Variants in MFF observed in about 807,000 individuals in gnomAD.
MFF encodes chromosome 2 open reading frame 33.
MFF carries 12 observed loss-of-function variants against 36.9 expected under a neutral mutation model. The ratio of observed to expected loss-of-function variants is 0.33; its 90% CI spans 0.21 to 0.53. MFF has a LOEUF of 0.53. MFF is among the 20% of genes least tolerant of loss of function. MFF has a pLI of 0.95. For missense variants in MFF, 348 were observed against 366.6 expected (o/e 0.95, Z 0.42); for synonymous variants, 99 against 126.2 (o/e 0.78, Z 1.44).
chr2:227,325,510 C>A, intron 1 of MFF, 83 bp downstream of exon 1: 1 of 152,082 alleles, frequency 6.6e-6, no homozygotes, highest in East Asian at 1.9e-4. Context: ...ACCCTCCGGC[C>A]AACAGGGACC....
chr2:227,344,994 G>A (rs2075632991), intron 5 of MFF, among the ~76,000 whole-genome samples: 1 of 151,844 alleles, frequency 6.6e-6, no homozygotes, highest in Admixed American at 6.6e-5. Context: ...TTTTCTCATT[G>A]TATTCCAATT....
Position 227,347,254 on chromosome 2 carries a change from G to T in MFF, c.469G>T (p.Val157Phe). 4.3e-6 allele frequency: 7 copies of T among 1,613,698 alleles called. No homozygotes were observed. The highest frequency in any genetic ancestry group is 3.4e-6 in the Non-Finnish European group (4 of 1,179,734). The change falls in exon 6 of 9, where the codon GTC becomes TTC. Residue 157 changes from valine to phenylalanine, a missense_variant. Val to Phe is a conservative substitution (Grantham distance 50). Coordinates refer to ENST00000304593, the MANE Select transcript of MFF (RefSeq NM_001277062.2). Reference protein sequence around the residue: ...LVTPSPQQARVCPPHMLPEDG... With the variant: ...LVTPSPQQARFCPPHMLPEDG... ...GACACCATCGCCACAACAGGCTCGG[G>T]TCTGTCCTCCCCATATGTTACCTGA...
chr2:227,344,745 G>T (rs1168653537), intron 5 of MFF, among the ~76,000 whole-genome samples: 1 of 1,216 alleles, frequency 8.2e-4, no homozygotes, highest in Non-Finnish European at 1.6e-3. Flanking sequence ...AAATACTCCC[G>T]ATTTCGTTTT....
intron 3 of MFF, among the ~76,000 whole-genome samples, chr2:227,332,148 A>AG (rs1553772471): frequency 6.8e-6 from 1 of 147,780 alleles, no homozygotes; most frequent in Admixed American, 6.7e-5. Flanking sequence ...ATTTTTTTGT[A>AG]TTTTTAGTAG....
At chr2:227,355,248 G>A (rs989494539) in intron 7 of MFF, 1 of 152,610 alleles carries the variant, frequency 6.6e-6, no homozygotes, top group African/African-American at 2.4e-5. Context: ...TTTTTTTAGA[G>A]TTAGTCTACT....
Position 227,344,094 on chromosome 2 carries a change from T to G in MFF, c.441-3132T>G, listed in dbSNP as rs538518459. ...TGAGCCACTGTGCCCAGCCCTGGTG[T>G]TGTTTATGTAACTCTTATGTGATAA... On this transcript the variant is annotated intron_variant, in intron 5 of 8. Transcript: ENST00000304593. Among the ~76,000 whole-genome samples the G allele has an allele frequency of 1.1e-4, 17 of 152,320 alleles. No individual in the cohort carries two copies. In the South Asian group the frequency reaches 2.3e-3, roughly 20 times the overall value.
At position 227,355,752 on chromosome 2, in the gene MFF, A is replaced by G; in HGVS notation, c.735A>G (p.Leu245=). ...TGACTGTTGTAGATGCAGCTTCACT[A>G]AGACGACAGGTATTTAGTGTACCAA... The part of the protein sequence containing the change: ...DDLTVVDAAS[L]RRQIIKLNRR... Residue 245 remains leucine, a synonymous_variant, in exon 8 of 9, where the codon CTA becomes CTG. Transcript: ENST00000304593. The G allele has an allele frequency of 6.3e-7, 1 of 1,596,456 alleles. No individual in the cohort carries two copies.
At chr2:227,339,318 C>A (rs1383970720) in intron 4 of MFF, among the ~76,000 whole-genome samples, 1 of 152,088 alleles carries the variant, frequency 6.6e-6, no homozygotes, top group Non-Finnish European at 1.5e-5. Flanking sequence ...AACAAACAAG[C>A]CTATGTTTTG....
At chr2:227,326,912 A>G (rs1028185887) in intron 1 of MFF, among the ~76,000 whole-genome samples, 2 of 152,136 alleles carry the variant, frequency 1.3e-5, no homozygotes, top group Admixed American at 1.3e-4. Flanking sequence ...CCAGTGTTCT[A>G]ATACAGAAAA....
intron 5 of MFF, among the ~76,000 whole-genome samples, chr2:227,343,771 C>G (rs2075552740): frequency 6.6e-6 from 1 of 151,856 alleles, no homozygotes; most frequent in African/African-American, 2.4e-5. Context: ...TGACAATTGG[C>G]TGGTGTTTTT....
intron 6 of MFF, among the ~76,000 whole-genome samples, chr2:227,351,519 C>T (rs945972590): frequency 2.0e-5 from 3 of 152,070 alleles, no homozygotes; most frequent in Non-Finnish European, 4.4e-5. Flanking sequence ...CAGGCAAAAC[C>T]AGATCAGTTA....
At chr2:227,337,321 TG>T (rs2075079517) in intron 4 of MFF, among the ~76,000 whole-genome samples, 1 of 152,230 alleles carries the variant, frequency 6.6e-6, no homozygotes, top group African/African-American at 2.4e-5. Flanking sequence ...ATGCACATGT[TG>T]GGGAGGGAAG....
intron 5 of MFF, chr2:227,342,795 C>A (rs1252427922): frequency 6.2e-7 from 1 of 1,613,532 alleles, no homozygotes; most frequent in Non-Finnish European, 8.5e-7. Flanking sequence ...AGGTTCCAGG[C>A]ACCGATTTCT....
chr2:227,330,231 T>A (rs779406061), intron 2 of MFF: 4 of 177,732 alleles, frequency 2.3e-5, no homozygotes, highest in Non-Finnish European at 3.5e-5. Flanking sequence ...TAATTTTATA[T>A]TTTTAAAGTC....
At chr2:227,331,853 T>G (rs1431734409) in intron 3 of MFF, among the ~76,000 whole-genome samples, 1 of 152,196 alleles carries the variant, frequency 6.6e-6, no homozygotes, top group South Asian at 2.1e-4. Flanking sequence ...GTAAGAGTTT[T>G]AAATATTCTA....
rs368523549 is a variant in MFF, at chr2:227,355,017, C to T, written c.660-660C>T. 1.4e-4 allele frequency among the ~76,000 whole-genome samples: 21 copies of T among 152,150 alleles called. No individual in the cohort carries two copies. The East Asian group carries it at 2.5e-3, about 18-fold the overall frequency. On this transcript the variant is annotated intron_variant, in intron 7 of 8. Transcript: ENST00000304593. ...CTCTACTAAAAGTACAAAAATTAGC[C>T]GGGCATGGTGGCAGGTGCCTGTAAT...
intron 3 of MFF, 78 bp from the exon 4 acceptor site, chr2:227,332,341 C>G (rs1393798003): frequency 9.2e-7 from 1 of 1,083,394 alleles, no homozygotes; most frequent in Admixed American, 2.3e-5. Flanking sequence ...AAGGTAAATA[C>G]ATTTTAACAA....
In MFF at chr2:227,347,397, C is replaced by T. The variant is rs2075771557; in HGVS notation, c.599+13C>T. The stretch of plus-strand genomic sequence containing the variant: ...ATGAAAATCGCAGGTGATTGGCCAT[C>T]CGTGACTCTTGACAGCTTTATTGCA... On this transcript the variant is annotated intron_variant, in intron 6 of 8. Transcript: ENST00000304593. The T allele has an allele frequency of 2.5e-6, 4 of 1,612,880 alleles. No homozygotes were observed.
chr2:227,346,028 A>G (rs1336493676), intron 5 of MFF, among the ~76,000 whole-genome samples: 3 of 152,168 alleles, frequency 2.0e-5, no homozygotes, highest in African/African-American at 7.2e-5. Flanking sequence ...TTATTCATAA[A>G]GCTGTGGAGG....
Sources: allele counts gnomAD v4.1 joint callset (sites outside exome capture counted in the v4.1 genomes callset), GRCh38; gene constraint gnomAD v4.1.1; transcripts MANE v1.5; gene names NCBI Gene and HGNC (gene_info 2026-07-23, HGNC 2026-07-21).